HHIP: variants seen among roughly 807,000 people sequenced by gnomAD.
The protein encoded by HHIP is hedgehog-interacting protein.
HHIP carries 12 observed loss-of-function variants against 74.0 expected under a neutral mutation model. That is an observed-to-expected ratio of 0.16 (90% CI 0.10 to 0.26). HHIP has a LOEUF of 0.26. Ranked by LOEUF, HHIP falls within the 10% of genes least tolerant of loss-of-function variation. The pLI, the probability that HHIP is intolerant of heterozygous loss-of-function variation, is 1.00. For synonymous variants in HHIP, 309 were observed against 311.6 expected, an observed-to-expected ratio of 0.99 and a Z score of 0.09; for missense variants, 788 against 845.0, an observed-to-expected ratio of 0.93 and a Z score of 0.84.
intron 4 of HHIP, among the ~76,000 whole-genome samples, chr4:144,693,953 T>C (rs1486333852): frequency 6.6e-6 from 1 of 151,986 alleles, no homozygotes; most frequent in Non-Finnish European, 1.5e-5. Context: ...TTGCTAAATG[T>C]TGATTTGTAG....
chr4:144,669,453 A>G (rs1264047991), intron 4 of HHIP, among the ~76,000 whole-genome samples: 4 of 152,226 alleles, frequency 2.6e-5, no homozygotes, highest in Non-Finnish European at 5.9e-5. Flanking sequence ...TTTCCATTTT[A>G]CTCAATCTGT....
chr4:144,656,594 AT>A (rs1312425414), intron 2 of HHIP, among the ~76,000 whole-genome samples: 3 of 152,106 alleles, frequency 2.0e-5, no homozygotes, highest in Admixed American at 6.5e-5. Context: ...TTTGAATTGC[AT>A]TTTGAAATTT....
chr4:144,648,071 C>T (rs539792500), intron 1 of HHIP: 1 of 152,014 alleles, frequency 6.6e-6, no homozygotes, highest in Middle Eastern at 3.4e-3. Context: ...TAAACAGCTC[C>T]TACGAATCAA....
chr4:144,700,673 C>A (rs576706888), intron 4 of HHIP, among the ~76,000 whole-genome samples: 1 of 152,248 alleles, frequency 6.6e-6, no homozygotes, highest in East Asian at 1.9e-4. Context: ...CTGAGAAATG[C>A]AGATGGCTTC....
At chr4:144,653,825 C>T (rs1329149146) in intron 2 of HHIP, among the ~76,000 whole-genome samples, 1 of 152,074 alleles carries the variant, frequency 6.6e-6, no homozygotes, top group Non-Finnish European at 1.5e-5. Context: ...TGCTCCTTTG[C>T]ATCTAGCATA....
At chr4:144,681,447 A>G (rs1729339580) in intron 4 of HHIP, among the ~76,000 whole-genome samples, 1 of 134,918 alleles carries the variant, frequency 7.4e-6, no homozygotes, top group Non-Finnish European at 1.5e-5. Context: ...TTTTTTTGAG[A>G]CAGAGTCTCG....
intron 4 of HHIP, among the ~76,000 whole-genome samples, chr4:144,693,355 T>C (rs1729726090): frequency 1.3e-5 from 2 of 152,114 alleles, no homozygotes; most frequent in Non-Finnish European, 2.9e-5. Context: ...AATTTTAACA[T>C]CAGAAGTTCC....
rs201586303 is a variant in HHIP, at chr4:144,646,618, G to T, written c.-58G>T. On this transcript the variant is annotated 5_prime_UTR_variant, in exon 1 of 13. Coordinates refer to ENST00000296575, the MANE Select transcript of HHIP (RefSeq NM_022475.3). ...GGAGCTGCGCCCTAGTGCCCCTGCT[G>T]GGCAGTGGCGTTCCCCCCCATCCTC... is the stretch of plus-strand genomic sequence containing the variant. 584 of 1,557,782 alleles carry T rather than the reference G, an allele frequency of 3.7e-4. 3 individuals carry two copies. The African/African-American group carries it at 5.4e-3, about 14-fold the overall frequency.
intron 4 of HHIP, among the ~76,000 whole-genome samples, chr4:144,662,175 G>T (rs1486704921): frequency 6.6e-6 from 1 of 152,126 alleles, no homozygotes; most frequent in African/African-American, 2.4e-5. Context: ...AAATTAATTG[G>T]GAGTGATTTC....
rs1183273547 is a variant in HHIP at position 144,658,830 on chromosome 4, T to C, written c.513T>C (p.Tyr171=). The change falls in exon 3 of 13, where the codon TAT becomes TAC. Residue 171 remains tyrosine, a synonymous_variant. Transcript: ENST00000296575. ...QTTADEFCFY[Y]ARKDGGLCFP... The stretch of plus-strand genomic sequence containing the variant: ...CTGCGGATGAGTTTTGCTTTTACTA[T>C]GCAAGAAAAGATGGTGGGTTGTGCT... 3 of 1,613,680 alleles carry C rather than the reference T, an allele frequency of 1.9e-6. No homozygotes were observed. Among genetic ancestry groups the C allele is most frequent in the Non-Finnish European group, 2.5e-6 (3 of 1,179,802 alleles).
intron 4 of HHIP, among the ~76,000 whole-genome samples, chr4:144,705,123 T>TGA (rs1284681375): frequency 6.6e-6 from 1 of 152,196 alleles, no homozygotes; most frequent in Non-Finnish European, 1.5e-5. Flanking sequence ...ATTTGTATGT[T>TGA]CTGAAAGTTT....
rs966752409 is a variant in HHIP at position 144,743,351 on chromosome 4, A to G, written c.*5394A>G. 4.0e-5 allele frequency: 6 copies of G among 151,748 alleles called. No individual in the cohort carries two copies. The highest frequency in any genetic ancestry group is 1.5e-4 in the African/African-American group (6 of 41,362). 9.4% of individuals were successfully genotyped at this position (151,748 alleles called of 1,614,324 possible). A position where few individuals can be genotyped will look rare whatever the true frequency, so the allele number is the denominator to read the frequency against. On this transcript the variant is annotated 3_prime_UTR_variant, in exon 13 of 13. Coordinates refer to ENST00000296575, the MANE Select transcript of HHIP (RefSeq NM_022475.3). ...ACCCATCATTTACCTTGATTCCCAT[A>G]TAATTTGTATAAGTCATATATAAGT...
chr4:144,712,987 G>A (rs901654554), intron 8 of HHIP, among the ~76,000 whole-genome samples: 7 of 149,978 alleles, frequency 4.7e-5, no homozygotes, highest in African/African-American at 9.8e-5. Flanking sequence ...TCACTAGCTC[G>A]ATGGAATTTT....
At chr4:144,680,202 G>A (rs1296049579) in intron 4 of HHIP, among the ~76,000 whole-genome samples, 2 of 151,990 alleles carry the variant, frequency 1.3e-5, no homozygotes, top group African/African-American at 2.4e-5. Context: ...AGTTTTTTCT[G>A]ACTAAAAACA....
At chr4:144,663,720 T>C (rs1728779937) in intron 4 of HHIP, among the ~76,000 whole-genome samples, 2 of 152,224 alleles carry the variant, frequency 1.3e-5, no homozygotes, top group African/African-American at 4.8e-5. Context: ...GGAAATGGCT[T>C]TACCAGTTAA....
At chr4:144,715,908 A>C (rs1730434427) in intron 10 of HHIP, among the ~76,000 whole-genome samples, 2 of 152,178 alleles carry the variant, frequency 1.3e-5, no homozygotes, top group Non-Finnish European at 2.9e-5. Flanking sequence ...TTTGAGCAAG[A>C]TGATCTGAGT....
intron 4 of HHIP, among the ~76,000 whole-genome samples, chr4:144,675,922 A>G (rs1036329056): frequency 3.3e-5 from 5 of 152,188 alleles, no homozygotes; most frequent in Non-Finnish European, 7.3e-5. Context: ...CCTTTGGAGG[A>G]GATCAACAAT....
At chr4:144,707,328 G>C (rs887439536) in intron 6 of HHIP, 68 bp downstream of exon 6, 3 of 1,332,778 alleles carry the variant, frequency 2.3e-6, no homozygotes, top group Non-Finnish European at 3.1e-6. Context: ...AGAAAAGGTG[G>C]GCACCAGTGA....
Position 144,682,275 on chromosome 4 carries a change from G to A in HHIP, c.831+22437G>A, listed in dbSNP as rs375626013. 4.6e-5 allele frequency among the ~76,000 whole-genome samples: 7 copies of A among 152,334 alleles called. 1 individual carries two copies. The highest frequency in any genetic ancestry group is 2.1e-4 in the South Asian group (1 of 4,834). On this transcript the variant is annotated intron_variant, in intron 4 of 12. Coordinates refer to ENST00000296575, the MANE Select transcript of HHIP (RefSeq NM_022475.3). The stretch of plus-strand genomic sequence containing the variant: ...ATACTCTGAAAGTTAGACAGCACGA[G>A]TAATAGATTCCTTTAGGGATAACAA...
Sources: gnomAD v4.1 joint callset for allele counts (sites outside exome capture counted in the v4.1 genomes callset) on GRCh38, gnomAD v4.1.1 for gene constraint, MANE v1.5 for transcripts, NCBI Gene and HGNC (gene_info 2026-07-23, HGNC 2026-07-21) for gene names.